The following TYW1B variants were observed in gnomAD, a reference collection of about 807,000 sequenced individuals.
The protein encoded by TYW1B is tRNA-yW synthesizing protein 1 homolog B.
In TYW1B, 73 loss-of-function variants were observed where a neutral mutation model predicts 86.9. The observed-to-expected ratio is 0.84, with a 90% CI of 0.70 to 1.02. The LOEUF (loss-of-function observed/expected upper bound fraction) is 1.02, where lower values mean the gene tolerates loss of function less well. Among genes scored for constraint, TYW1B ranks in the 50% least tolerant of loss-of-function variants. TYW1B has a pLI of 0.00. For missense variants in TYW1B, 637 were observed against 827.4 expected (o/e 0.77, Z 2.82); for synonymous variants, 248 against 292.8 (o/e 0.85, Z 1.56).
chr7:72,586,434 G>A lies in TYW1B; in HGVS notation c.1786-10715C>T, dbSNP rs1438896958. 3.3e-5 allele frequency among the ~76,000 whole-genome samples: 5 copies of A among 152,300 alleles called. No individual in the cohort carries two copies. In the East Asian group the frequency reaches 9.7e-4, roughly 29 times the overall value. ...CCAACCATATGAAATCATTTGGTTG[G>A]CAGAGAATATCTGGTGTGGGGGCTG... On this transcript the variant is annotated intron_variant, in intron 13 of 13. Coordinates refer to ENST00000620995, the MANE Select transcript of TYW1B (RefSeq NM_001145440.3).
intron 13 of TYW1B, among the ~76,000 whole-genome samples, chr7:72,608,435 C>T (rs782376595): frequency 2.0e-5 from 3 of 152,178 alleles, no homozygotes; most frequent in Admixed American, 6.5e-5. Context: ...AAAGTTTCCA[C>T]ATTTCACTCA....
intron 13 of TYW1B, among the ~76,000 whole-genome samples, chr7:72,611,564 C>T (rs571062510): frequency 6.6e-6 from 1 of 152,276 alleles, no homozygotes; most frequent in Admixed American, 6.5e-5. Context: ...TATTGTGAGG[C>T]CTCCCCAGCC....
intron 10 of TYW1B, among the ~76,000 whole-genome samples, chr7:72,708,847 G>C (rs1394842447): frequency 1.3e-5 from 2 of 152,134 alleles, no homozygotes; most frequent in Non-Finnish European, 2.9e-5. Context: ...CTATCTTGTT[G>C]CACTACTCTA....
chr7:72,753,867 C>T (rs1585957196), intron 7 of TYW1B, among the ~76,000 whole-genome samples: 1 of 152,016 alleles, frequency 6.6e-6, no homozygotes, highest in African/African-American at 2.4e-5. Context: ...CTATTGCATA[C>T]TTAACAGACT....
intron 11 of TYW1B, among the ~76,000 whole-genome samples, chr7:72,674,759 C>CTCT (rs1554237391): frequency 1.5e-5 from 2 of 134,148 alleles, no homozygotes; most frequent in Non-Finnish European, 1.6e-5. Context: ...CCTTTTCTCT[C>CTCT]TTTTTTTTTT....
At chr7:72,710,388 C>T (rs1370277505) in intron 10 of TYW1B, among the ~76,000 whole-genome samples, 1 of 152,208 alleles carries the variant, frequency 6.6e-6, no homozygotes, top group Non-Finnish European at 1.5e-5. Flanking sequence ...AAAATAGACA[C>T]ATTGACTTTT....
chr7:72,612,910 C>T (rs1256999959), intron 13 of TYW1B, among the ~76,000 whole-genome samples: 3 of 151,960 alleles, frequency 2.0e-5, no homozygotes, highest in Admixed American at 6.6e-5. Flanking sequence ...CCATCACACC[C>T]AGGAAATTTT....
chr7:72,826,955 G>A lies in TYW1B; in HGVS notation c.35C>T (p.Ser12Leu). Residue 12 changes from serine (S) to leucine (L), a missense_variant, in exon 2 of 14, where the codon TCA becomes TTA. By Grantham distance (145) the Ser-to-Leu change is moderately radical. Transcript: ENST00000620995. ...DPSADTWDLS[S>L]PLISLWINRF... ...GTTTATCCATAATGATATTAAAGGT[G>A]AGGAGAGGTCCCATGTATCCGCAGA... The A allele has an allele frequency of 1.2e-6, 2 of 1,613,338 alleles. No homozygotes were observed. The highest frequency in any genetic ancestry group is 1.7e-6 in the Non-Finnish European group (2 of 1,179,770).
chr7:72,798,388 C>T (rs1340353021), intron 6 of TYW1B, among the ~76,000 whole-genome samples: 7 of 150,150 alleles, frequency 4.7e-5, no homozygotes, highest in African/African-American at 1.7e-4. Context: ...AAGACTCCGT[C>T]TCAAAAAAAA....
intron 9 of TYW1B, among the ~76,000 whole-genome samples, chr7:72,716,550 T>C (rs182394463): frequency 1.1e-4 from 17 of 152,328 alleles, no homozygotes; most frequent in African/African-American, 4.8e-5. Flanking sequence ...CAGACCCTGA[T>C]TGACTTCAGT....
chr7:72,756,717 A>C (rs1554466212), intron 7 of TYW1B, among the ~76,000 whole-genome samples: 1 of 152,182 alleles, frequency 6.6e-6, no homozygotes, highest in African/African-American at 2.4e-5. Flanking sequence ...AGCCACAAAC[A>C]GTGACAAGAG....
intron 8 of TYW1B, among the ~76,000 whole-genome samples, chr7:72,738,097 T>TC (rs1323470094): frequency 2.1e-5 from 3 of 141,042 alleles, no homozygotes; most frequent in African/African-American, 7.9e-5. Context: ...TCTTTTTTTT[T>TC]TTTTGAGGAG....
intron 6 of TYW1B, among the ~76,000 whole-genome samples, chr7:72,789,286 A>G (rs1788179966): frequency 6.6e-6 from 1 of 152,040 alleles, no homozygotes; most frequent in Non-Finnish European, 1.5e-5. Flanking sequence ...TGCATGTGCC[A>G]CCACGCCAGG....
In TYW1B at chr7:72,672,507, C is replaced by CACACACACA. The variant is rs1813633828; in HGVS notation, c.1506+22179_1506+22180insTGTGTGTGT. The stretch of plus-strand genomic sequence containing the variant: ...ACACACACACACACACACACACACA[C>CACACACACA]ACCTGTATACACAGGTATGTAATAT... On this transcript the variant is annotated intron_variant, in intron 11 of 13. Transcript: ENST00000620995. Among the ~76,000 whole-genome samples, 6 of 150,988 alleles carry CACACACACA rather than the reference C, an allele frequency of 4.0e-5. No homozygotes were observed. The South Asian group carries it at 1.3e-3, about 32-fold the overall frequency.
At position 72,785,902 on chromosome 7, in the gene TYW1B, C is replaced by G. The variant is rs1788120725; in HGVS notation, c.847-8369G>C. On this transcript the variant is annotated intron_variant, in intron 6 of 13. Coordinates refer to ENST00000620995, the MANE Select transcript of TYW1B (RefSeq NM_001145440.3). ...CTGAGGCAGGTGGATCACCTGAGGTCAGGAGTTCAAGACCAGCCTGGCCAA... is the reference window on the plus strand; with the variant it reads ...CTGAGGCAGGTGGATCACCTGAGGTGAGGAGTTCAAGACCAGCCTGGCCAA... Among the ~76,000 whole-genome samples, 3 of 152,014 alleles carry G rather than the reference C, an allele frequency of 2.0e-5. No homozygotes were observed. In the South Asian group the frequency reaches 6.2e-4, roughly 32 times the overall value.
intron 10 of TYW1B, among the ~76,000 whole-genome samples, chr7:72,701,208 G>C (rs1237266039): frequency 2.0e-5 from 3 of 152,078 alleles, no homozygotes; most frequent in Non-Finnish European, 4.4e-5. Context: ...CAACTGTATA[G>C]GACACATTCT....
At chr7:72,798,104 C>A (rs1428834746) in intron 6 of TYW1B, among the ~76,000 whole-genome samples, 1 of 151,852 alleles carries the variant, frequency 6.6e-6, no homozygotes, top group Non-Finnish European at 1.5e-5. Flanking sequence ...TTTTTTAAAT[C>A]TTAAGTCCGT....
intron 8 of TYW1B, among the ~76,000 whole-genome samples, chr7:72,741,866 A>C (rs1787309922): frequency 6.6e-6 from 1 of 152,228 alleles, no homozygotes; most frequent in African/African-American, 2.4e-5. Flanking sequence ...AAAAACTGTC[A>C]GTCTAGATTT....
chr7:72,613,029 G>C (rs1237100710), intron 13 of TYW1B, among the ~76,000 whole-genome samples: 1 of 152,114 alleles, frequency 6.6e-6, no homozygotes, highest in Non-Finnish European at 1.5e-5. Flanking sequence ...AGGATTACAG[G>C]TGTAAGCCAC....
Sources: gnomAD v4.1 joint callset for allele counts (sites outside exome capture counted in the v4.1 genomes callset) on GRCh38, gnomAD v4.1.1 for gene constraint, MANE v1.5 for transcripts, NCBI Gene and HGNC (gene_info 2026-07-23, HGNC 2026-07-21) for gene names.